The following ZFAT variants were observed in gnomAD, a reference collection of about 807,000 sequenced individuals.
ZFAT encodes the protein zinc finger and AT-hook domain containing, also known as zinc finger protein ZFAT.
Under a neutral mutation model 117.7 loss-of-function variants are expected in ZFAT, and 64 were observed. The ratio of observed to expected loss-of-function variants is 0.54; its 90% CI spans 0.44 to 0.67. ZFAT has a LOEUF of 0.67. ZFAT is among the 30% of genes least tolerant of loss of function. The pLI is 0.00. For missense variants in ZFAT, 1,433 were observed against 1,584.5 expected (o/e 0.90, Z 1.62); for synonymous variants, 679 against 615.0 (o/e 1.10, Z -1.54).
At chr8:134,636,111 A>AT (rs1288289930) in intron 3 of ZFAT, among the ~76,000 whole-genome samples, 7 of 152,354 alleles carry the variant, frequency 4.6e-5, no homozygotes, top group Admixed American at 4.6e-4. Flanking sequence ...CTCCATAAAT[A>AT]TTAGTTGATG....
the ZFAT span, among the ~76,000 whole-genome samples, chr8:134,731,122 AG>A: frequency 4.6e-5 from 7 of 152,250 alleles, no homozygotes; most frequent in African/African-American, 1.7e-4. Flanking sequence ...ATATGGAGCA[AG>A]GGGAACCCTC....
chr8:134,616,529 G>A (rs73367182), intron 3 of ZFAT, among the ~76,000 whole-genome samples: 1,834 of 152,302 alleles, frequency 0.012, 41 homozygotes, highest in African/African-American at 0.041. Context: ...CAGTTCACAT[G>A]TATCATGGCC....
At chr8:134,800,715 C>T in the ZFAT span, 2 of 329,460 alleles carry the variant, frequency 6.1e-6, no homozygotes, top group South Asian at 2.5e-5. Flanking sequence ...AAGACTCAAT[C>T]GGAAAGATAT....
intron 1 of ZFAT, among the ~76,000 whole-genome samples, chr8:134,701,063 G>A (rs1199382973): frequency 6.6e-6 from 1 of 152,098 alleles, no homozygotes; most frequent in Non-Finnish European, 1.5e-5. Context: ...TAGGTATACA[G>A]TTCAGTGGCA....
At chr8:134,488,608 C>T (rs1817821214) in intron 15 of ZFAT, among the ~76,000 whole-genome samples, 1 of 152,188 alleles carries the variant, frequency 6.6e-6, no homozygotes, top group African/African-American at 2.4e-5. Flanking sequence ...CTTCTGTCCA[C>T]TGAGAATTTA....
chr8:134,657,093 C>T (rs1240810268), intron 2 of ZFAT, among the ~76,000 whole-genome samples: 1 of 152,196 alleles, frequency 6.6e-6, no homozygotes, highest in Non-Finnish European at 1.5e-5. Context: ...GTTAGAACAA[C>T]AGCTTCCTTT....
chr8:134,615,726 A>T (rs1828678992), intron 3 of ZFAT, among the ~76,000 whole-genome samples: 1 of 152,156 alleles, frequency 6.6e-6, no homozygotes. Flanking sequence ...ATCCTTCATC[A>T]ATTCTCTGTG....
chr8:134,822,931 C>G, the ZFAT span, among the ~76,000 whole-genome samples: 1 of 152,034 alleles, frequency 6.6e-6, no homozygotes, highest in Non-Finnish European at 1.5e-5. Flanking sequence ...AAAATCTATT[C>G]CCCCAAGCCA....
chr8:134,525,279 T>C (rs1364393802), intron 12 of ZFAT, among the ~76,000 whole-genome samples: 2 of 152,178 alleles, frequency 1.3e-5, no homozygotes, highest in African/African-American at 4.8e-5. Context: ...TCTATATCTC[T>C]GATATGCAGG....
chr8:134,627,902 T>G (rs2131054100), intron 3 of ZFAT, among the ~76,000 whole-genome samples: 1 of 152,286 alleles, frequency 6.6e-6, no homozygotes, highest in African/African-American at 2.4e-5. Flanking sequence ...GTGTCCCTAT[T>G]CTGTCCACAG....
the ZFAT span, among the ~76,000 whole-genome samples, chr8:134,781,214 C>T: frequency 2.6e-5 from 4 of 152,152 alleles, no homozygotes; most frequent in East Asian, 7.7e-4. Context: ...CAGTCTCAAT[C>T]TCCTGTGCTC....
the ZFAT span, chr8:134,792,559 A>AT: frequency 6.6e-6 from 1 of 152,166 alleles, no homozygotes; most frequent in African/African-American, 2.4e-5. Flanking sequence ...TATCTATGTG[A>AT]TTTTTTAAAG....
chr8:134,712,991 G>C lies in ZFAT; in HGVS notation c.-128C>G. On this transcript the variant is annotated 5_prime_UTR_variant, in exon 1 of 16. Coordinates refer to ENST00000377838, the MANE Select transcript of ZFAT (RefSeq NM_020863.4). ...TTTTTATTTTTTTAAGAAAAGAGCC[G>C]GCGAGGTTATGGCGAATCTGCGGCA... 8.5e-7 allele frequency: 1 copy of C among 1,172,906 alleles called. No individual in the cohort carries two copies. Among genetic ancestry groups the C allele is most frequent in the Non-Finnish European group, 1.1e-6 (1 of 891,460 alleles). The allele number at this position is 1,172,906 out of a possible 1,614,324, so 72.7% of individuals were successfully genotyped here.
chr8:134,818,822 G>A, the ZFAT span, among the ~76,000 whole-genome samples: 50 of 152,158 alleles, frequency 3.3e-4, no homozygotes, highest in Non-Finnish European at 2.1e-4. Context: ...AAATAATGCT[G>A]GGTGAAAGTA....
At chr8:134,500,113 C>T (rs1187385214) in intron 15 of ZFAT, among the ~76,000 whole-genome samples, 29 of 152,204 alleles carry the variant, frequency 1.9e-4, no homozygotes, top group Admixed American at 1.8e-3. Context: ...TACAGCCTGG[C>T]CTTGACCCCA....
intron 12 of ZFAT, among the ~76,000 whole-genome samples, chr8:134,521,667 G>T (rs183940321): frequency 1.8e-3 from 278 of 152,096 alleles, no homozygotes; most frequent in Middle Eastern, 0.01. Context: ...TCACACAAAA[G>T]AATATCTTTC....
At chr8:134,565,472 C>T (rs1824380627) in intron 10 of ZFAT, 51 bp from the exon 11 acceptor site, 1 of 1,555,180 alleles carries the variant, frequency 6.4e-7, no homozygotes, top group South Asian at 1.1e-5. Context: ...ACAGCTCCCA[C>T]TGTGAATGAA....
At chr8:134,613,368 G>A (rs754149298) in intron 3 of ZFAT, among the ~76,000 whole-genome samples, 4 of 152,208 alleles carry the variant, frequency 2.6e-5, no homozygotes, top group Admixed American at 2.0e-4. Flanking sequence ...AACCGCGTCC[G>A]GACTCTGCTT....
chr8:134,775,174 G>GT, the ZFAT span, among the ~76,000 whole-genome samples: 2 of 151,990 alleles, frequency 1.3e-5, no homozygotes, highest in African/African-American at 4.8e-5. Flanking sequence ...CAGTCCACTT[G>GT]TTTTCAGTGT....
Sources: gnomAD v4.1 joint callset for allele counts (sites outside exome capture counted in the v4.1 genomes callset) on GRCh38, gnomAD v4.1.1 for gene constraint, MANE v1.5 for transcripts, NCBI Gene and HGNC (gene_info 2026-07-23, HGNC 2026-07-21) for gene names.